The following CACNA2D3 variants were observed in gnomAD, a reference collection of about 807,000 sequenced individuals.
CACNA2D3 encodes the protein calcium voltage-gated channel auxiliary subunit alpha2delta 3, also known as voltage-dependent calcium channel subunit alpha-2/delta-3.
Under a neutral mutation model 160.6 loss-of-function variants are expected in CACNA2D3, and 60 were observed. The ratio of observed to expected loss-of-function variants is 0.37; its 90% CI spans 0.30 to 0.46. CACNA2D3 has a LOEUF of 0.46. Ranked by LOEUF, CACNA2D3 falls within the 20% of genes least tolerant of loss-of-function variation. CACNA2D3 has a pLI of 1.00. For synonymous variants in CACNA2D3, 558 were observed against 492.9 expected, an observed-to-expected ratio of 1.13 and a Z score of -1.75; for missense variants, 1,205 against 1,365.0, an observed-to-expected ratio of 0.88 and a Z score of 1.85.
chr3:55,043,084 G>A (rs552671676), intron 35 of CACNA2D3, among the ~76,000 whole-genome samples: 2 of 152,184 alleles, frequency 1.3e-5, no homozygotes, highest in East Asian at 1.9e-4. Context: ...GTAGGTGTTT[G>A]TATGAACATA....
At chr3:54,519,085 G>T (rs1453075393) in intron 5 of CACNA2D3, among the ~76,000 whole-genome samples, 2 of 152,300 alleles carry the variant, frequency 1.3e-5, no homozygotes, top group African/African-American at 4.8e-5. Context: ...GCAGGGAGGG[G>T]CCTCTAGGTG....
chr3:54,125,076 T>C (rs1699561575), intron 2 of CACNA2D3, among the ~76,000 whole-genome samples: 1 of 152,216 alleles, frequency 6.6e-6, no homozygotes, highest in African/African-American at 2.4e-5. Context: ...GAAGATAACA[T>C]TTTGTATAAC....
intron 2 of CACNA2D3, among the ~76,000 whole-genome samples, chr3:54,264,576 C>T (rs1702466867): frequency 6.6e-6 from 1 of 152,154 alleles, no homozygotes; most frequent in Non-Finnish European, 1.5e-5. Context: ...TTTTTCTTGG[C>T]TATTAACAGT....
Position 54,159,396 on chromosome 3 carries a change from C to T in CACNA2D3, c.204+35802C>T, listed in dbSNP as rs147787511. Among the ~76,000 whole-genome samples, 46 of 152,088 alleles carry T rather than the reference C, an allele frequency of 3.0e-4. No individual in the cohort carries two copies. The East Asian group carries it at 6.4e-3, about 21-fold the overall frequency. ...CATTATGTTTTACATGGTATTATTA[C>T]ACATCATAAGAGTCCTTTTTAATAA... On this transcript the variant is annotated intron_variant, in intron 2 of 37. Coordinates refer to ENST00000474759, the MANE Select transcript of CACNA2D3 (RefSeq NM_018398.3).
intron 2 of CACNA2D3, among the ~76,000 whole-genome samples, chr3:54,269,674 G>A (rs1447477557): frequency 6.6e-6 from 1 of 152,222 alleles, no homozygotes; most frequent in Non-Finnish European, 1.5e-5. Context: ...AGTGGCCAGG[G>A]AAGATGTGGG....
At chr3:54,147,562 G>T (rs1294209035) in intron 2 of CACNA2D3, among the ~76,000 whole-genome samples, 2 of 152,246 alleles carry the variant, frequency 1.3e-5, no homozygotes, top group Non-Finnish European at 2.9e-5. Flanking sequence ...CTGGGCCAGA[G>T]CCTGACTCTT....
intron 4 of CACNA2D3, among the ~76,000 whole-genome samples, chr3:54,425,230 G>C: frequency 6.6e-6 from 1 of 152,228 alleles, no homozygotes; most frequent in East Asian, 1.9e-4. Flanking sequence ...TACTCAGGAA[G>C]CTTAGGCAGG....
chr3:54,714,006 G>A (rs771666016), intron 11 of CACNA2D3, among the ~76,000 whole-genome samples: 26 of 152,124 alleles, frequency 1.7e-4, no homozygotes, highest in Non-Finnish European at 3.5e-4. Flanking sequence ...AGATTTGTTG[G>A]TTGAGGTGGA....
chr3:54,948,120 A>G (rs1223970870), intron 27 of CACNA2D3, among the ~76,000 whole-genome samples: 3 of 152,080 alleles, frequency 2.0e-5, no homozygotes, highest in African/African-American at 7.2e-5. Flanking sequence ...CCTTCCTATG[A>G]CCTCAAATTA....
rs1701294213 is a variant in CACNA2D3, at chr3:54,207,417, G to A, written c.204+83823G>A. Among the ~76,000 whole-genome samples the A allele has an allele frequency of 1.4e-5, 2 of 146,756 alleles. 1 individual carries two copies. The highest frequency in any genetic ancestry group is 4.4e-4 in the South Asian group (2 of 4,512). On this transcript the variant is annotated intron_variant, in intron 2 of 37. Coordinates refer to ENST00000474759, the MANE Select transcript of CACNA2D3 (RefSeq NM_018398.3). ...GTCCTCTGTGTGATTTGACACCACT[G>A]TAATCCGGGTGGATACATTATGCTT...
intron 2 of CACNA2D3, among the ~76,000 whole-genome samples, chr3:54,241,592 A>G (rs955669204): frequency 1.3e-5 from 2 of 152,244 alleles, no homozygotes; most frequent in Non-Finnish European, 2.9e-5. Flanking sequence ...AATTGCACGC[A>G]AGAGACTTGG....
chr3:55,043,674 G>T (rs759722418), intron 35 of CACNA2D3, among the ~76,000 whole-genome samples: 9 of 152,074 alleles, frequency 5.9e-5, no homozygotes, highest in Non-Finnish European at 1.0e-4. Context: ...CTTTTTAATG[G>T]ATTGTACTTT....
At chr3:54,362,057 A>C (rs958323470) in intron 3 of CACNA2D3, among the ~76,000 whole-genome samples, 1 of 152,158 alleles carries the variant, frequency 6.6e-6, no homozygotes, top group Non-Finnish European at 1.5e-5. Flanking sequence ...CTTTTCAACA[A>C]CACCACAATT....
intron 3 of CACNA2D3, among the ~76,000 whole-genome samples, chr3:54,370,630 T>C (rs919752060): frequency 8.5e-5 from 13 of 152,192 alleles, no homozygotes; most frequent in African/African-American, 2.4e-4. Flanking sequence ...CAAGGACTTA[T>C]TGTACCCATT....
intron 2 of CACNA2D3, among the ~76,000 whole-genome samples, chr3:54,276,525 A>T (rs1427784149): frequency 2.0e-5 from 3 of 151,168 alleles, no homozygotes; most frequent in Non-Finnish European, 2.9e-5. Flanking sequence ...GTGAGCCAAG[A>T]TCACGTGGCT....
intron 2 of CACNA2D3, among the ~76,000 whole-genome samples, chr3:54,272,105 C>T (rs1391563748): frequency 6.6e-6 from 1 of 152,146 alleles, no homozygotes; most frequent in Admixed American, 6.5e-5. Flanking sequence ...GGACACATAC[C>T]TTCCCATATC....
intron 9 of CACNA2D3, 71 bp from the exon 10 acceptor site, chr3:54,627,716 C>G: frequency 1.1e-6 from 1 of 908,806 alleles, no homozygotes; most frequent in East Asian, 2.6e-5. Context: ...TGGCGTACAT[C>G]TAATTCATTC....
At chr3:54,317,609 C>G (rs1474705997) in intron 2 of CACNA2D3, among the ~76,000 whole-genome samples, 2 of 152,132 alleles carry the variant, frequency 1.3e-5, no homozygotes, top group Non-Finnish European at 2.9e-5. Context: ...GCGATCGCGG[C>G]TCACTGCAAT....
intron 8 of CACNA2D3, 94 bp downstream of exon 8, chr3:54,570,198 C>A (rs1702471899): frequency 1.6e-6 from 2 of 1,259,756 alleles, no homozygotes; most frequent in South Asian, 1.4e-5. Context: ...AGATCCAGAG[C>A]ATCTAGATGC....
Sources: gnomAD v4.1 joint callset for allele counts (sites outside exome capture counted in the v4.1 genomes callset) on GRCh38, gnomAD v4.1.1 for gene constraint, MANE v1.5 for transcripts, NCBI Gene and HGNC (gene_info 2026-07-23, HGNC 2026-07-21) for gene names.